The following PHF10 variants were observed in gnomAD, a reference collection of about 807,000 sequenced individuals.
PHF10 encodes the protein PHD finger protein 10.
Under a neutral mutation model 68.5 loss-of-function variants are expected in PHF10, and 51 were observed. The observed-to-expected ratio is 0.74, with a 90% CI of 0.59 to 0.94. The LOEUF (loss-of-function observed/expected upper bound fraction) is 0.94. Ranked by LOEUF, PHF10 falls within the 40% of genes least tolerant of loss-of-function variation. The pLI, the probability that PHF10 is intolerant of heterozygous loss-of-function variation, is 0.00. For synonymous variants in PHF10, 204 were observed against 203.5 expected (o/e 1.00, Z -0.02); for missense variants, 460 against 602.6 (o/e 0.76, Z 2.48).
chr6:169,720,977 A>G, intron 2 of PHF10, 28 bp downstream of exon 2: 1 of 1,249,816 alleles, frequency 8.0e-7, no homozygotes, highest in East Asian at 2.5e-5. Flanking sequence ...ATCACAAAAA[A>G]TATTAATAAC....
rs545197034 is a variant in PHF10, at chr6:169,706,299, A to G, written c.1114-575T>C. On this transcript the variant is annotated intron_variant, in intron 9 of 11. Coordinates refer to ENST00000339209, the MANE Select transcript of PHF10 (RefSeq NM_018288.4). The stretch of plus-strand genomic sequence containing the variant: ...TTGGCGTGTACATAAACGTTTGTGG[A>G]AAACTTAGTTGTGTGATTATTCTCT... Among the ~76,000 whole-genome samples the G allele has an allele frequency of 4.7e-5, 7 of 150,142 alleles. No homozygotes were observed. In the South Asian group the frequency reaches 1.3e-3, roughly 27 times the overall value.
intron 6 of PHF10, among the ~76,000 whole-genome samples, chr6:169,715,043 G>A (rs1585302453): frequency 6.6e-6 from 1 of 152,174 alleles, no homozygotes. Flanking sequence ...CTATTCTCCT[G>A]AGGAATGGCA....
chr6:169,705,412 A>C (rs911486808), intron 10 of PHF10, 91 bp from the exon 11 acceptor site: 8 of 892,438 alleles, frequency 9.0e-6, no homozygotes, highest in Non-Finnish European at 1.4e-5. Context: ...GGACTTCCAG[A>C]GAATGGCTAT....
In PHF10 at chr6:169,715,889, T is replaced by C. The variant is rs766799196; in HGVS notation, c.544-32A>G. ...AAAAAAAATACAGTTGGAAGTCACA[T>C]ATAACTTTCTAAAATGTCATTTTCC... On this transcript the variant is annotated intron_variant, in intron 5 of 11. Coordinates refer to ENST00000339209, the MANE Select transcript of PHF10 (RefSeq NM_018288.4). The C allele has an allele frequency of 3.1e-6, 5 of 1,599,750 alleles. No homozygotes were observed. The East Asian group carries it at 9.0e-5, about 29-fold the overall frequency.
At chr6:169,704,228 C>T (rs1788689925) in intron 11 of PHF10, 140 bp from the exon 12 acceptor site, 1 of 578,336 alleles carries the variant, frequency 1.7e-6, no homozygotes, top group African/African-American at 2.0e-5. Context: ...CTATGAGTTC[C>T]TTAATTTAAG....
intron 3 of PHF10, among the ~76,000 whole-genome samples, chr6:169,718,421 G>A (rs896875520): frequency 6.6e-6 from 1 of 152,174 alleles, no homozygotes; most frequent in Admixed American, 6.5e-5. Context: ...TAGCAATTCA[G>A]GAGGCTGAGG....
intron 1 of PHF10, among the ~76,000 whole-genome samples, chr6:169,723,619 G>C (rs1176039854): frequency 6.6e-6 from 1 of 152,112 alleles, no homozygotes; most frequent in Non-Finnish European, 1.5e-5. Context: ...TGCCAACTTC[G>C]GGGAAGCCGC....
chr6:169,715,301 G>A (rs1789020834), intron 6 of PHF10, among the ~76,000 whole-genome samples: 1 of 152,288 alleles, frequency 6.6e-6, no homozygotes, highest in East Asian at 1.9e-4. Context: ...AATGTAAATT[G>A]AGTATTATTA....
At position 169,724,092 on chromosome 6, in the gene PHF10, C is replaced by T. The variant is rs1789263501; in HGVS notation, c.-161G>A. 1 of 142,870 alleles carries T rather than the reference C, an allele frequency of 7.0e-6. No individual in the cohort carries two copies. The highest frequency in any genetic ancestry group is 6.9e-5 in the Admixed American group (1 of 14,552). The allele number at this position is 142,870 out of a possible 1,614,324, so 8.9% of individuals were successfully genotyped here. ...GCCCGGGGGCCGGCCCCTGCCGCCG[C>T]GCGCCCCGCGGCCCGCCAGCGCCGC... On this transcript the variant is annotated 5_prime_UTR_variant, in exon 1 of 12. Coordinates refer to ENST00000339209, the MANE Select transcript of PHF10 (RefSeq NM_018288.4).
At position 169,714,835 on chromosome 6, in the gene PHF10, TG is replaced by T; in HGVS notation, c.700del (p.Gln234ArgfsTer46). On this transcript the variant is annotated frameshift_variant, in exon 7 of 12. Transcript: ENST00000339209. LOFTEE classifies it high-confidence loss of function. ...AACTTTGTACTTCCCTTGAGGTACC[TG>T]GATAACCTACGTTAACATAAAGAGA... ...AYFDLQTHVI[Q>X]VPQGKYKVLP... 6.6e-7 allele frequency: 1 copy of T among 1,512,502 alleles called. No individual in the cohort carries two copies. The highest frequency in any genetic ancestry group is 9.2e-7 in the Non-Finnish European group (1 of 1,087,398). The allele number at this position is 1,512,502 out of a possible 1,614,324, so 93.7% of individuals were successfully genotyped here. A position where few individuals can be genotyped will look rare whatever the true frequency, so the allele number is the denominator to read the frequency against.
In PHF10 at chr6:169,712,413, A is replaced by T; in HGVS notation, c.930T>A (p.Asp310Glu). The T allele has an allele frequency of 3.1e-6, 5 of 1,614,140 alleles. No homozygotes were observed. Among genetic ancestry groups the T allele is most frequent in the Non-Finnish European group, 4.2e-6 (5 of 1,179,972 alleles). Residue 310 changes from aspartate to glutamate, a missense_variant, in exon 8 of 12, where the codon GAT becomes GAA. Asp to Glu is a conservative substitution (Grantham distance 45). This residue lies in a region of PHF10 where 256 missense variants were observed against 410.5 expected (regional missense o/e 0.62). Coordinates refer to ENST00000339209, the MANE Select transcript of PHF10 (RefSeq NM_018288.4). ...AAGTGCCTTTATTTTTCCGTTTCTCATCACCTCGACCATCTTCGCCATCAT... is the reference window on the plus strand; with the variant it reads ...AAGTGCCTTTATTTTTCCGTTTCTCTTCACCTCGACCATCTTCGCCATCAT... ...DSDDGEDGRG[D>E]EKRKNKGTSD...
chr6:169,716,176 C>A, intron 4 of PHF10, 88 bp from the exon 5 acceptor site: 2 of 778,580 alleles, frequency 2.6e-6, no homozygotes, highest in Non-Finnish European at 3.9e-6. Flanking sequence ...TTCTTCAAAC[C>A]GCTCCACGTT....
intron 2 of PHF10, 117 bp downstream of exon 2, chr6:169,720,888 G>A (rs1201054947): frequency 9.8e-6 from 6 of 609,644 alleles, no homozygotes; most frequent in Non-Finnish European, 1.4e-5. Context: ...AGAACAGGAA[G>A]AAAATATTCT....
Position 169,705,676 on chromosome 6 carries a change from C to T in PHF10, c.1162G>A (p.Glu388Lys). The T allele has an allele frequency of 3.1e-6, 5 of 1,595,794 alleles. No individual in the cohort carries two copies. Among genetic ancestry groups the T allele is most frequent in the Middle Eastern group, 3.3e-4 (2 of 5,992 alleles). The stretch of plus-strand genomic sequence containing the variant: ...TCAGCCTTTCCTTTCTTGTTGGACT[C>T]CTTACCCTTCAGACAAATTCCACAT... ...AICGICLKGKESNKKGKAESL... is the reference protein window; with the variant it reads ...AICGICLKGKKSNKKGKAESL... The change falls in exon 10 of 12, where the codon GAG (glutamate) becomes AAG (lysine). Residue 388 changes from glutamate to lysine, a missense_variant. Physicochemically the swap from Glu to Lys is moderately conservative, Grantham distance 56. Transcript: ENST00000339209.
rs1789261601 is a variant in PHF10 at position 169,724,047 on chromosome 6, CCCGCCCCCT to C, written c.-125_-117del. ...CGCGCGGGCCCCCCGCCGCCCCGGC[CCCGCCCCCT>C]CCGCCCGCCCGCCCGGGGGCCGGCC... On this transcript the variant is annotated 5_prime_UTR_variant, in exon 1 of 12. Transcript: ENST00000339209. 3 of 147,118 alleles carry C rather than the reference CCCGCCCCCT, an allele frequency of 2.0e-5. No individual in the cohort carries two copies. The highest frequency in any genetic ancestry group is 2.9e-5 in the Non-Finnish European group (2 of 69,124). The allele number at this position is 147,118 out of a possible 1,614,324, so 9.1% of individuals were successfully genotyped here. A position where few individuals can be genotyped will look rare whatever the true frequency, so the allele number is the denominator to read the frequency against.
At chr6:169,722,061 C>T (rs1789191881) in intron 1 of PHF10, among the ~76,000 whole-genome samples, 1 of 152,134 alleles carries the variant, frequency 6.6e-6, no homozygotes, top group Non-Finnish European at 1.5e-5. Flanking sequence ...AAATTTGAGA[C>T]TATAATAGTG....
At chr6:169,714,117 CAA>C (rs113850766) in intron 7 of PHF10, among the ~76,000 whole-genome samples, 21 of 120,994 alleles carry the variant, frequency 1.7e-4, no homozygotes, top group Admixed American at 1.7e-4. Context: ...AAGACTGTCT[CAA>C]AAAAAAAAAA....
chr6:169,703,943 T>C lies in PHF10; in HGVS notation c.*60A>G, dbSNP rs1443599646. 1.5e-6 allele frequency: 2 copies of C among 1,315,894 alleles called. No individual in the cohort carries two copies. The highest frequency in any genetic ancestry group is 2.1e-6 in the Non-Finnish European group (2 of 956,180). The allele number at this position is 1,315,894 out of a possible 1,614,324, so 81.5% of individuals were successfully genotyped here. A position where few individuals can be genotyped will look rare whatever the true frequency, so the allele number is the denominator to read the frequency against. ...TCTTTTATTGGCATGAAAATAATGT[T>C]GTAAATGGCACCAAATATTCCACTT... On this transcript the variant is annotated 3_prime_UTR_variant, in exon 12 of 12. Coordinates refer to ENST00000339209, the MANE Select transcript of PHF10 (RefSeq NM_018288.4).
intron 2 of PHF10, among the ~76,000 whole-genome samples, chr6:169,719,950 A>C (rs1327634974): frequency 6.6e-6 from 1 of 150,966 alleles, no homozygotes; most frequent in African/African-American, 2.4e-5. Context: ...AATATATAAA[A>C]TATATTTAAA....
Sources: gnomAD v4.1 joint callset for allele counts (sites outside exome capture counted in the v4.1 genomes callset) on GRCh38, gnomAD v4.1.1 for gene constraint, gnomAD v4.1.1 regional missense constraint, MANE v1.5 for transcripts, NCBI Gene and HGNC (gene_info 2026-07-23, HGNC 2026-07-21) for gene names.